The following CTNND2 variants were observed in gnomAD, a reference collection of about 807,000 sequenced individuals.
CTNND2 encodes the protein catenin delta 2, also known as catenin delta-2.
Under a neutral mutation model 144.4 loss-of-function variants are expected in CTNND2, and 22 were observed. That is an observed-to-expected ratio of 0.15 (90% CI 0.11 to 0.22). The LOEUF (loss-of-function observed/expected upper bound fraction) is 0.22, where lower values mean the gene tolerates loss of function less well. Among genes scored for constraint, CTNND2 ranks in the 10% least tolerant of loss-of-function variants. The probability of loss-of-function intolerance (pLI) is 1.00; values close to 1 mark genes in which losing one functional copy is unlikely to be tolerated. For missense variants in CTNND2, 1,353 were observed against 1,618.8 expected (o/e 0.84, Z 2.82); for synonymous variants, 751 against 695.6 (o/e 1.08, Z -1.25).
chr5:11,687,315 T>C (rs891238941), intron 2 of CTNND2, among the ~76,000 whole-genome samples: 9 of 152,252 alleles, frequency 5.9e-5, no homozygotes. Context: ...CCGTGATCAT[T>C]GGCCTCCTGC....
intron 2 of CTNND2, among the ~76,000 whole-genome samples, chr5:11,687,165 T>C (rs1784690610): frequency 6.6e-6 from 1 of 152,210 alleles, no homozygotes; most frequent in Non-Finnish European, 1.5e-5. Flanking sequence ...CTGATTCTCT[T>C]CAATTTATTC....
rs74826457 is a variant in CTNND2 at position 11,186,630 on chromosome 5, T to C, written c.1975+12818A>G. On this transcript the variant is annotated intron_variant, in intron 11 of 21. Transcript: ENST00000304623. ...TCCACCCCTCTGCAGTCCACTGTAA[T>C]TGTTGGTCCTGTTAAAGTAGAAAGT... Among the ~76,000 whole-genome samples the C allele has an allele frequency of 1.7e-3, 259 of 152,318 alleles. 1 individual carries two copies. Among genetic ancestry groups the C allele is most frequent in the African/African-American group, 5.8e-3 (239 of 41,564 alleles).
At chr5:11,366,755 G>T (rs772468987) in intron 7 of CTNND2, among the ~76,000 whole-genome samples, 7 of 151,780 alleles carry the variant, frequency 4.6e-5, no homozygotes, top group Non-Finnish European at 1.0e-4. Flanking sequence ...ATTTAGAATT[G>T]TTACTTTATC....
intron 1 of CTNND2, among the ~76,000 whole-genome samples, chr5:11,842,494 C>T (rs569337196): frequency 5.9e-5 from 9 of 151,906 alleles, no homozygotes; most frequent in South Asian, 4.2e-4. Flanking sequence ...CTGAGGCGGG[C>T]GGATCGTGAG....
chr5:11,659,570 G>C (rs1171748475), intron 2 of CTNND2, among the ~76,000 whole-genome samples: 3 of 152,016 alleles, frequency 2.0e-5, no homozygotes, highest in African/African-American at 7.3e-5. Flanking sequence ...CCCAGAACTA[G>C]AACAAGGAAA....
chr5:11,159,548 G>T, intron 12 of CTNND2, 28 bp downstream of exon 12: 1 of 1,559,718 alleles, frequency 6.4e-7, no homozygotes, highest in Non-Finnish European at 8.7e-7. Context: ...AAGATGGTGG[G>T]AGGAGGCACT....
intron 18 of CTNND2, among the ~76,000 whole-genome samples, chr5:11,008,947 G>A (rs1194011197): frequency 6.6e-6 from 1 of 152,212 alleles, no homozygotes; most frequent in East Asian, 1.9e-4. Flanking sequence ...AGTGCCAGAG[G>A]TGAACTGACC....
At chr5:11,040,160 T>C (rs1273670984) in intron 16 of CTNND2, among the ~76,000 whole-genome samples, 1 of 151,968 alleles carries the variant, frequency 6.6e-6, no homozygotes, top group African/African-American at 2.4e-5. Flanking sequence ...GCAGGAGAAT[T>C]GTTTGAACCC....
intron 3 of CTNND2, among the ~76,000 whole-genome samples, chr5:11,537,171 C>A (rs971617103): frequency 6.6e-6 from 1 of 151,904 alleles, no homozygotes; most frequent in South Asian, 2.1e-4. Flanking sequence ...TTTATAGATA[C>A]GAATTCCTAG....
At chr5:11,165,666 C>T (rs370578553) in intron 11 of CTNND2, among the ~76,000 whole-genome samples, 25 of 152,178 alleles carry the variant, frequency 1.6e-4, no homozygotes, top group African/African-American at 3.9e-4. Flanking sequence ...AAGACATTTA[C>T]GTATACTAAA....
intron 19 of CTNND2, 31 bp downstream of exon 19, chr5:10,992,520 G>T (rs768261146): frequency 6.2e-7 from 1 of 1,613,078 alleles, no homozygotes; most frequent in African/African-American, 1.3e-5. Flanking sequence ...GAGAAATAAA[G>T]CCTGGCTGGC....
chr5:11,535,087 T>C (rs1045208982), intron 3 of CTNND2, among the ~76,000 whole-genome samples: 5 of 150,856 alleles, frequency 3.3e-5, no homozygotes, highest in Non-Finnish European at 7.4e-5. Context: ...ACTTGGGAGG[T>C]TGAGGCAGGA....
intron 7 of CTNND2, among the ~76,000 whole-genome samples, chr5:11,376,682 T>C (rs1211235546): frequency 1.3e-5 from 2 of 152,198 alleles, no homozygotes; most frequent in East Asian, 1.9e-4. Context: ...CCAGCATCTA[T>C]AACAGAAGTC....
In CTNND2 at chr5:10,972,500, C is replaced by T. The variant is rs1488137665; in HGVS notation, c.*953G>A. ...ATGTGTATTTTGTAAGATATAGGTT[C>T]TTGGAAATAGACATTCTTAGCAAAT... is the stretch of plus-strand genomic sequence containing the variant. On this transcript the variant is annotated 3_prime_UTR_variant, in exon 22 of 22. Transcript: ENST00000304623. The T allele has an allele frequency of 3.9e-5, 6 of 152,482 alleles. No homozygotes were observed. The highest frequency in any genetic ancestry group is 1.2e-4 in the African/African-American group (5 of 41,424). The allele number at this position is 152,482 out of a possible 1,614,324, so 9.4% of individuals were successfully genotyped here.
intron 5 of CTNND2, among the ~76,000 whole-genome samples, chr5:11,402,503 TGTAGCAGCA>T (rs1760723885): frequency 6.6e-6 from 1 of 152,262 alleles, no homozygotes. Flanking sequence ...TGATTTCATT[TGTAGCAGCA>T]GTTTCACCTT....
At chr5:11,329,019 G>A (rs1752814953) in intron 9 of CTNND2, among the ~76,000 whole-genome samples, 1 of 152,180 alleles carries the variant, frequency 6.6e-6, no homozygotes, top group African/African-American at 2.4e-5. Flanking sequence ...TCCTTGGCTT[G>A]TAGATGAACA....
chr5:11,082,903 A>C, intron 15 of CTNND2, 57 bp from the exon 16 acceptor site: 1 of 1,589,550 alleles, frequency 6.3e-7, no homozygotes, highest in Non-Finnish European at 8.6e-7. Context: ...CTGCATGCAA[A>C]TAGTACATTT....
At chr5:11,586,479 A>G (rs922368070) in intron 2 of CTNND2, among the ~76,000 whole-genome samples, 1 of 152,178 alleles carries the variant, frequency 6.6e-6, no homozygotes, top group Non-Finnish European at 1.5e-5. Context: ...ACAAAACTCA[A>G]CTCTAAATCA....
chr5:11,863,207 G>C (rs77739312), intron 1 of CTNND2, among the ~76,000 whole-genome samples: 2,865 of 152,278 alleles, frequency 0.019, 50 homozygotes, highest in East Asian at 0.044. Context: ...CCACAGTACA[G>C]AGCACACTGT....
Sources: allele counts gnomAD v4.1 joint callset (sites outside exome capture counted in the v4.1 genomes callset), GRCh38; gene constraint gnomAD v4.1.1; transcripts MANE v1.5; gene names NCBI Gene and HGNC (gene_info 2026-07-23, HGNC 2026-07-21).